KIF1A: variants seen among roughly 807,000 people sequenced by gnomAD.
KIF1A encodes the protein kinesin-like protein KIF1A.
In KIF1A, 46 loss-of-function variants were observed where a neutral mutation model predicts 227.3. The ratio of observed to expected loss-of-function variants is 0.20; its 90% CI spans 0.16 to 0.26. The LOEUF is 0.26. KIF1A is among the 10% of genes least tolerant of loss of function. The pLI is 1.00. For missense variants in KIF1A, 1,683 were observed against 2,485.9 expected (o/e 0.68, Z 6.87); for synonymous variants, 1,022 against 1,012.8 (o/e 1.01, Z -0.17).
chr2:240,773,941 A>G (rs749899883), intron 12 of KIF1A, among the ~76,000 whole-genome samples: 4 of 152,292 alleles, frequency 2.6e-5, no homozygotes, highest in Non-Finnish European at 5.9e-5. Context: ...GTCTGGTGCC[A>G]CGGGGCCCTG....
intron 25 of KIF1A, 134 bp downstream of exon 25, chr2:240,760,531 A>G (rs2050381613): frequency 8.5e-6 from 5 of 590,000 alleles, no homozygotes; most frequent in Non-Finnish European, 1.1e-5. Context: ...TCTGATTTTA[A>G]AATAATTGGA....
At chr2:240,745,305 C>A (rs1291851129) in intron 32 of KIF1A, 122 bp downstream of exon 32, 1 of 798,816 alleles carries the variant, frequency 1.3e-6, no homozygotes, top group Non-Finnish European at 2.1e-6. Flanking sequence ...CTGGAGTTCC[C>A]GGTGCACAAG....
At chr2:240,771,271 A>G in intron 14 of KIF1A, 167 bp from the exon 15 acceptor site, 1 of 820,046 alleles carries the variant, frequency 1.2e-6, no homozygotes. Context: ...GGGCCCAGAG[A>G]AGGCAAGAAA....
intron 10 of KIF1A, among the ~76,000 whole-genome samples, chr2:240,776,570 T>A (rs1443908209): frequency 6.6e-6 from 1 of 152,162 alleles, no homozygotes; most frequent in East Asian, 1.9e-4. Context: ...AAATATGGAC[T>A]CCATCCACAT....
chr2:240,747,376 G>T, intron 28 of KIF1A, 55 bp from the exon 29 acceptor site: 2 of 1,461,652 alleles, frequency 1.4e-6, no homozygotes, highest in Non-Finnish European at 1.9e-6. Context: ...TGAGGTGGGT[G>T]TGGGCAGAGC....
chr2:240,782,201 C>A (rs1011445709), intron 10 of KIF1A: 19 of 985,344 alleles, frequency 1.9e-5, no homozygotes, highest in Non-Finnish European at 1.8e-5. Flanking sequence ...GTCACGCCTA[C>A]GGCTGCTCAG....
At position 240,740,496 on chromosome 2, in the gene KIF1A, G is replaced by A; in HGVS notation, c.3750-132C>T. The A allele has an allele frequency of 1.4e-6, 1 of 728,582 alleles. No individual in the cohort carries two copies. The highest frequency in any genetic ancestry group is 2.4e-6 in the Non-Finnish European group (1 of 419,614). 45.1% of individuals were successfully genotyped at this position (728,582 alleles called of 1,614,324 possible). On this transcript the variant is annotated intron_variant, in intron 35 of 48. Coordinates refer to ENST00000498729, the MANE Select transcript of KIF1A (RefSeq NM_001244008.2). This position sits in a 1 kb window ranked among gnomAD's most constrained non-coding sequence, Gnocchi z 6.1. Reference sequence around the variant, plus strand: ...CCCTCTGGTGAAGATCAGGTGGTCTGATCCATGGAGACCACGGTCAGCTGA... The same window carrying A: ...CCCTCTGGTGAAGATCAGGTGGTCTAATCCATGGAGACCACGGTCAGCTGA...
chr2:240,717,345 G>T lies in KIF1A; in HGVS notation c.*19C>A. The T allele has an allele frequency of 6.2e-7, 1 of 1,609,028 alleles. No individual in the cohort carries two copies. Among genetic ancestry groups the T allele is most frequent in the Non-Finnish European group, 8.5e-7 (1 of 1,177,814 alleles). ...AGGGGATGGGCTGGGCCTGCCGGCT[G>T]TCACGGGAGGGCTCAGGTTCAGACC... On this transcript the variant is annotated 3_prime_UTR_variant, in exon 49 of 49. Transcript: ENST00000498729.
rs115858166 is a variant in KIF1A, at chr2:240,764,058, C to T, written c.1769-712G>A. On this transcript the variant is annotated intron_variant, in intron 20 of 48. Coordinates refer to ENST00000498729, the MANE Select transcript of KIF1A (RefSeq NM_001244008.2). Reference sequence around the variant, plus strand: ...CTTGGGACAGTCCTGCCTGCAGGGGCTCTCTTTGGATGGCCTAGTTTTCCT... The same window carrying T: ...CTTGGGACAGTCCTGCCTGCAGGGGTTCTCTTTGGATGGCCTAGTTTTCCT... Among the ~76,000 whole-genome samples the T allele has an allele frequency of 4.2e-3, 646 of 152,306 alleles. 5 individuals are homozygous for T. The highest frequency in any genetic ancestry group is 0.014 in the African/African-American group (601 of 41,568).
rs2052208286 is a variant in KIF1A at position 240,772,979 on chromosome 2, G to T, written c.1180+135C>A. ...GATTTGGCCCAGAGGGGCTCTGGGAGCGGTGTGGAGCTGCCACAGCCCAGG... is the reference window on the plus strand; with the variant it reads ...GATTTGGCCCAGAGGGGCTCTGGGATCGGTGTGGAGCTGCCACAGCCCAGG... On this transcript the variant is annotated intron_variant, in intron 13 of 48. Transcript: ENST00000498729. 1.3e-5 allele frequency: 12 copies of T among 921,528 alleles called. No homozygotes were observed. In the East Asian group the frequency reaches 2.9e-4, roughly 23 times the overall value. 57.1% of individuals were successfully genotyped at this position (921,528 alleles called of 1,614,324 possible).
intron 9 of KIF1A, 40 bp from the exon 10 acceptor site, chr2:240,782,647 G>C: frequency 1.3e-6 from 2 of 1,549,888 alleles, no homozygotes; most frequent in Non-Finnish European, 1.7e-6. Flanking sequence ...GGCCCGGAGC[G>C]AAGCTGGCGC....
chr2:240,797,765 C>T lies in KIF1A; in HGVS notation c.-13G>A, dbSNP rs140017120. On this transcript the variant is annotated 5_prime_UTR_variant, in exon 2 of 49. Coordinates refer to ENST00000498729, the MANE Select transcript of KIF1A (RefSeq NM_001244008.2). ...AAGCCCCGGCCATCTCTGTGGCCTT[C>T]GTGGGTCACTCCTCGCAGTAGTGGG... 1,225 of 1,578,810 alleles carry T rather than the reference C, an allele frequency of 7.8e-4. 6 individuals carry two copies. The African/African-American group carries it at 0.012, about 15-fold the overall frequency.
intron 14 of KIF1A, 159 bp from the exon 15 acceptor site, chr2:240,771,263 G>A (rs185130112): frequency 5.9e-6 from 5 of 852,138 alleles, no homozygotes; most frequent in Middle Eastern, 2.2e-4. Flanking sequence ...AAGAGATGGG[G>A]CCCAGAGAAG....
chr2:240,722,707 G>A (rs1184270186), intron 42 of KIF1A, 51 bp from the exon 43 acceptor site: 61 of 1,400,312 alleles, frequency 4.4e-5, no homozygotes, highest in Non-Finnish European at 5.4e-5. Flanking sequence ...GGTGACCTCC[G>A]GAGTTGTGCT....
In KIF1A at chr2:240,739,804, G is replaced by A. The variant is rs1394057732; in HGVS notation, c.3901+254C>T. On this transcript the variant is annotated intron_variant, in intron 37 of 48. Coordinates refer to ENST00000498729, the MANE Select transcript of KIF1A (RefSeq NM_001244008.2). The surrounding 1 kb of genome is among the most constrained non-coding windows in gnomAD (Gnocchi z 5.6). ...AATGTCTGCTGTTTTAAGCTACCTG[G>A]TTTGTGGTATTTTGTCATGGCAGCC... is the stretch of plus-strand genomic sequence containing the variant. 6.6e-6 allele frequency among the ~76,000 whole-genome samples: 1 copy of A among 152,114 alleles called. No individual in the cohort carries two copies. Among genetic ancestry groups the A allele is most frequent in the Non-Finnish European group, 1.5e-5 (1 of 68,020 alleles).
chr2:240,764,870 G>C (rs559492719), intron 20 of KIF1A, among the ~76,000 whole-genome samples: 11 of 152,212 alleles, frequency 7.2e-5, no homozygotes, highest in African/African-American at 2.6e-4. Flanking sequence ...CCAGCGGATG[G>C]AGTCCACTCC....
chr2:240,755,873 G>A (rs1397191457), intron 27 of KIF1A, among the ~76,000 whole-genome samples: 1 of 152,136 alleles, frequency 6.6e-6, no homozygotes, highest in Non-Finnish European at 1.5e-5. Context: ...TACGGCCCGG[G>A]GCTTTCTGAG....
chr2:240,736,982 G>T lies in KIF1A; in HGVS notation c.4007+81C>A. On this transcript the variant is annotated intron_variant, in intron 38 of 48. Transcript: ENST00000498729. This position sits in a 1 kb window ranked among gnomAD's most constrained non-coding sequence, Gnocchi z 4.7. ...GTTGAGCGGGTCACCTTGTGTGGCT[G>T]AACCCTGTGCCGGGTTGGCTGAGGG... The T allele has an allele frequency of 8.6e-7, 1 of 1,168,810 alleles. No homozygotes were observed. The highest frequency in any genetic ancestry group is 1.2e-5 in the South Asian group (1 of 80,180). The allele number at this position is 1,168,810 out of a possible 1,614,324, so 72.4% of individuals were successfully genotyped here. A position where few individuals can be genotyped will look rare whatever the true frequency, so the allele number is the denominator to read the frequency against.
chr2:240,722,519 C>T lies in KIF1A; in HGVS notation c.4602G>A (p.Ser1534=), dbSNP rs757090320. The T allele has an allele frequency of 1.3e-5, 20 of 1,548,166 alleles. No individual in the cohort carries two copies. The African/African-American group carries it at 1.5e-4, about 12-fold the overall frequency. ...HGSSSASSPL[S]AEGRPSPLEA... ...CCAGGGGTGATGGGCGGCCCTCAGC[C>T]GAGAGCGGGGAGGAGGCGCTGGAGG... Residue 1534 remains serine (S), a synonymous_variant, in exon 43 of 49, where the codon TCG becomes TCA. Coordinates refer to ENST00000498729, the MANE Select transcript of KIF1A (RefSeq NM_001244008.2).
Sources: allele counts gnomAD v4.1 joint callset (sites outside exome capture counted in the v4.1 genomes callset), GRCh38; gene constraint gnomAD v4.1.1; non-coding constraint Gnocchi (gnomAD v3.1); transcripts MANE v1.5; gene names NCBI Gene and HGNC (gene_info 2026-07-23, HGNC 2026-07-21).